DYNC2I1: variants seen among roughly 807,000 people sequenced by gnomAD.
DYNC2I1 encodes the protein dynein 2 intermediate chain 1.
A neutral mutation model predicts 133.4 loss-of-function variants in DYNC2I1; 89 were observed. That is an observed-to-expected ratio of 0.67 (90% confidence interval 0.56 to 0.80). The LOEUF is 0.80. Ranked by LOEUF, DYNC2I1 falls within the 30% of genes least tolerant of loss-of-function variation. The pLI, the probability that DYNC2I1 is intolerant of heterozygous loss-of-function variation, is 0.00. For synonymous variants in DYNC2I1, 504 were observed against 484.3 expected, an observed-to-expected ratio of 1.04 and a Z score of -0.54; for missense variants, 1,291 against 1,314.5, an observed-to-expected ratio of 0.98 and a Z score of 0.28.
intron 8 of DYNC2I1, among the ~76,000 whole-genome samples, chr7:158,900,737 T>G (rs993691609): frequency 6.6e-6 from 1 of 151,434 alleles, no homozygotes; most frequent in African/African-American, 2.4e-5. Flanking sequence ...TTCTGTTTTT[T>G]TTTTTTTTTT....
At chr7:158,872,006 T>G (rs1380815055) in intron 3 of DYNC2I1, among the ~76,000 whole-genome samples, 2 of 152,212 alleles carry the variant, frequency 1.3e-5, no homozygotes, top group Non-Finnish European at 2.9e-5. Context: ...ATCATTGTTT[T>G]TCTTTTGGTA....
intron 3 of DYNC2I1, among the ~76,000 whole-genome samples, chr7:158,875,707 G>A (rs1041017211): frequency 5.9e-5 from 9 of 152,120 alleles, no homozygotes; most frequent in Non-Finnish European, 1.2e-4. Context: ...TGTTGATTCA[G>A]GGGCCTCTGG....
At chr7:158,949,537 T>C (rs1253408829), downstream of DYNC2I1, among the ~76,000 whole-genome samples, 2 of 152,134 alleles carry the variant, frequency 1.3e-5, no homozygotes, top group Non-Finnish European at 2.9e-5. Flanking sequence ...GAGGGCCCCA[T>C]GACAGCAGAG....
intron 1 of DYNC2I1, among the ~76,000 whole-genome samples, chr7:158,863,756 G>GGGAGC (rs1842122089): frequency 1.0e-5 from 1 of 96,508 alleles, no homozygotes; most frequent in Admixed American, 9.8e-5. Context: ...TGGGGGGAAG[G>GGGAGC]GGGACGTCCT....
intron 10 of DYNC2I1, 95 bp from the exon 11 acceptor site, chr7:158,905,894 G>A: frequency 2.3e-6 from 2 of 875,384 alleles, no homozygotes; most frequent in Non-Finnish European, 3.6e-6. Flanking sequence ...GACTATAATT[G>A]TTATATATGC....
intron 7 of DYNC2I1, among the ~76,000 whole-genome samples, chr7:158,887,404 C>T (rs1390232995): frequency 1.3e-5 from 2 of 152,092 alleles, no homozygotes; most frequent in Non-Finnish European, 2.9e-5. Context: ...ATAATTGGTT[C>T]AGCAGAAGGC....
At chr7:158,901,692 A>G (rs779181638) in intron 8 of DYNC2I1, 47 bp from the exon 9 acceptor site, 163 of 1,271,272 alleles carry the variant, frequency 1.3e-4, no homozygotes, top group Non-Finnish European at 1.7e-4. Context: ...GCAATATTCA[A>G]TTTTATGATT....
At chr7:158,951,622 T>C (rs1852054598) in intron 4 of DYNC2I1, among the ~76,000 whole-genome samples, 1 of 152,142 alleles carries the variant, frequency 6.6e-6, no homozygotes, top group African/African-American at 2.4e-5. Context: ...AGTGCTTGGG[T>C]ACTGAGAGGT....
At chr7:158,857,892 G>T (rs1329740306) in intron 1 of DYNC2I1, among the ~76,000 whole-genome samples, 2 of 150,812 alleles carry the variant, frequency 1.3e-5, no homozygotes, top group Non-Finnish European at 2.9e-5. Flanking sequence ...CTGGGTTCCA[G>T]CGATTCTCCT....
Position 158,884,588 on chromosome 7 carries a change from G to A in DYNC2I1, c.904G>A (p.Ala302Thr), listed in dbSNP as rs1028070821. Reference sequence around the variant, plus strand: ...GAATGGTGAACACAGAAATCGAGGTGCAAGCTCAAAAAGAGATGGGACCAG... The same window carrying A: ...GAATGGTGAACACAGAAATCGAGGTACAAGCTCAAAAAGAGATGGGACCAG... ...SQNGEHRNRG[A>T]SSKRDGTSSQ... Residue 302 changes from alanine (A) to threonine (T), a missense_variant, in exon 6 of 25, where the codon GCA becomes ACA. Physicochemically the swap from Ala to Thr is moderately conservative, Grantham distance 58. Coordinates refer to ENST00000407559, the MANE Select transcript of DYNC2I1 (RefSeq NM_018051.5). 2 of 1,613,286 alleles carry A rather than the reference G, an allele frequency of 1.2e-6. No individual in the cohort carries two copies. Among genetic ancestry groups the A allele is most frequent in the Non-Finnish European group, 1.7e-6 (2 of 1,179,602 alleles).
the DYNC2I1 span, among the ~76,000 whole-genome samples, chr7:158,843,870 A>G: frequency 6.6e-6 from 1 of 152,038 alleles, no homozygotes; most frequent in Non-Finnish European, 1.5e-5. Context: ...TGGGAACTTT[A>G]ATATTTAAAG....
intron 1 of DYNC2I1, among the ~76,000 whole-genome samples, chr7:158,861,861 CT>C: frequency 6.6e-6 from 1 of 152,288 alleles, no homozygotes; most frequent in East Asian, 1.9e-4. Context: ...CTTCAGAGCA[CT>C]TTTCCTACCA....
At chr7:158,956,142 C>T (rs1043283856) in intron 4 of DYNC2I1, among the ~76,000 whole-genome samples, 1 of 152,226 alleles carries the variant, frequency 6.6e-6, no homozygotes, top group Non-Finnish European at 1.5e-5. Flanking sequence ...CAGAAGTGGC[C>T]GGCAGCTGTA....
At chr7:158,849,352 A>C in the DYNC2I1 span, among the ~76,000 whole-genome samples, 1 of 152,216 alleles carries the variant, frequency 6.6e-6, no homozygotes. Flanking sequence ...GAACTATCAA[A>C]CTGAAGGCAT....
At chr7:158,843,149 C>T in the DYNC2I1 span, among the ~76,000 whole-genome samples, 1 of 152,188 alleles carries the variant, frequency 6.6e-6, no homozygotes, top group Non-Finnish European at 1.5e-5. Flanking sequence ...GGCTGGAGTG[C>T]AGTGGCACAA....
chr7:158,918,314 C>G (rs765552141), intron 14 of DYNC2I1, among the ~76,000 whole-genome samples: 2 of 151,942 alleles, frequency 1.3e-5, no homozygotes, highest in Admixed American at 1.3e-4. Flanking sequence ...CTCTTTCTGC[C>G]CTGTCAAATC....
intron 1 of DYNC2I1, among the ~76,000 whole-genome samples, chr7:158,857,633 G>T (rs1361947443): frequency 6.7e-6 from 1 of 149,984 alleles, no homozygotes; most frequent in South Asian, 2.1e-4. Context: ...CGACTCCAGG[G>T]TTCAAGAGAT....
intron 5 of DYNC2I1, among the ~76,000 whole-genome samples, chr7:158,883,931 T>G (rs1196130920): frequency 6.6e-6 from 1 of 151,894 alleles, no homozygotes; most frequent in Admixed American, 6.6e-5. Context: ...CCCAAAGTGC[T>G]GGGATTACAA....
intron 4 of DYNC2I1, among the ~76,000 whole-genome samples, chr7:158,877,287 C>G: frequency 6.7e-6 from 1 of 150,104 alleles, no homozygotes; most frequent in African/African-American, 2.4e-5. Flanking sequence ...CAGGCACCTG[C>G]GGTTCCGGAT....
Sources: allele counts gnomAD v4.1 joint callset (sites outside exome capture counted in the v4.1 genomes callset), GRCh38; gene constraint gnomAD v4.1.1; transcripts MANE v1.5; gene names NCBI Gene and HGNC (gene_info 2026-07-23, HGNC 2026-07-21).